Variants in ADAMTS19 observed in about 807,000 individuals in gnomAD.
The protein encoded by ADAMTS19 is ADAM metallopeptidase with thrombospondin type 1 motif 19.
ADAMTS19 carries 93 observed loss-of-function variants against 153.3 expected under a neutral mutation model. The observed-to-expected ratio is 0.61, with a 90% CI of 0.51 to 0.72. The LOEUF (loss-of-function observed/expected upper bound fraction) is 0.72. ADAMTS19 is among the 30% of genes least tolerant of loss of function. ADAMTS19 has a pLI of 0.00. For missense variants in ADAMTS19, 1,482 were observed against 1,552.1 expected (o/e 0.95, Z 0.76); for synonymous variants, 600 against 556.6 (o/e 1.08, Z -1.10).
Position 129,461,763 on chromosome 5 carries a change from C to T in ADAMTS19, c.747+6C>T. 1.3e-6 allele frequency: 2 copies of T among 1,482,654 alleles called. No individual in the cohort carries two copies. Among genetic ancestry groups the T allele is most frequent in the Non-Finnish European group, 1.8e-6 (2 of 1,124,358 alleles). The allele number at this position is 1,482,654 out of a possible 1,614,324, so 91.8% of individuals were successfully genotyped here. A position where few individuals can be genotyped will look rare whatever the true frequency, so the allele number is the denominator to read the frequency against. On this transcript the variant is annotated splice_donor_region_variant and intron_variant, in intron 2 of 22. Transcript: ENST00000274487. The surrounding 1 kb of genome is among the most constrained non-coding windows in gnomAD (Gnocchi z 4.6). ...GCACCTGTGGAGGTGGCCTGGTAAGCGCCTTCTTTCCCTAGCTCTCCATTT... is the reference window on the plus strand; with the variant it reads ...GCACCTGTGGAGGTGGCCTGGTAAGTGCCTTCTTTCCCTAGCTCTCCATTT...
chr5:129,676,326 A>G (rs902194097), intron 16 of ADAMTS19, among the ~76,000 whole-genome samples: 12 of 152,332 alleles, frequency 7.9e-5, no homozygotes, highest in African/African-American at 2.6e-4. Flanking sequence ...CTTTGTCAGT[A>G]TGCAACTAAA....
intron 21 of ADAMTS19, among the ~76,000 whole-genome samples, chr5:129,723,432 T>C (rs2127204402): frequency 6.6e-6 from 1 of 152,300 alleles, no homozygotes; most frequent in Non-Finnish European, 1.5e-5. Context: ...ATATTTCATT[T>C]GTAAAGAAGA....
intron 16 of ADAMTS19, among the ~76,000 whole-genome samples, chr5:129,669,300 G>A (rs924998056): frequency 6.6e-6 from 1 of 151,830 alleles, no homozygotes; most frequent in Non-Finnish European, 1.5e-5. Context: ...GCTAATTATA[G>A]GTCTATTTAT....
chr5:129,532,929 C>A (rs1252728705), intron 6 of ADAMTS19, among the ~76,000 whole-genome samples: 1 of 152,068 alleles, frequency 6.6e-6, no homozygotes, highest in East Asian at 1.9e-4. Context: ...ATGGTAAAAC[C>A]CTGTCTCTAC....
chr5:129,719,688 C>T (rs32820), intron 21 of ADAMTS19, among the ~76,000 whole-genome samples: 143,584 of 152,306 alleles, frequency 0.94, 67,792 homozygotes, highest in East Asian at 1. Flanking sequence ...ATTTTCAAAA[C>T]GATATGATTA....
chr5:129,728,185 G>A (rs1175582822), intron 21 of ADAMTS19, among the ~76,000 whole-genome samples: 1 of 152,132 alleles, frequency 6.6e-6, no homozygotes, highest in Non-Finnish European at 1.5e-5. Flanking sequence ...GTTACCCTAT[G>A]TGGTTTAAAA....
Position 129,523,369 on chromosome 5 carries a change from G to A in ADAMTS19, c.914-2915G>A, listed in dbSNP as rs140240578. Among the ~76,000 whole-genome samples, 745 of 152,214 alleles carry A rather than the reference G, an allele frequency of 4.9e-3. 4 individuals are homozygous for A. The highest frequency in any genetic ancestry group is 6.8e-3 in the Non-Finnish European group (460 of 68,010). ...CTCTTGAAGAGACTTCACTGAATTT[G>A]TATTAAATAGTAAAGAAATATAAAA... On this transcript the variant is annotated intron_variant, in intron 3 of 22. Transcript: ENST00000274487.
intron 15 of ADAMTS19, among the ~76,000 whole-genome samples, chr5:129,660,751 G>T (rs1753783805): frequency 6.6e-6 from 1 of 152,082 alleles, no homozygotes; most frequent in Admixed American, 6.5e-5. Context: ...AAGTGCCTAA[G>T]ATACTACAAA....
At chr5:129,580,781 G>T (rs1030465205) in intron 7 of ADAMTS19, among the ~76,000 whole-genome samples, 6 of 152,186 alleles carry the variant, frequency 3.9e-5, no homozygotes, top group Admixed American at 3.3e-4. Context: ...CAGGGGTGAA[G>T]CTGACTTGAT....
At chr5:129,621,324 T>C (rs1465912769) in intron 9 of ADAMTS19, among the ~76,000 whole-genome samples, 1 of 152,202 alleles carries the variant, frequency 6.6e-6, no homozygotes, top group African/African-American at 2.4e-5. Context: ...AAAGCACTTA[T>C]TTCTATAATT....
At chr5:129,658,773 C>A (rs1285473809) in intron 15 of ADAMTS19, 36 bp downstream of exon 15, 2 of 1,569,524 alleles carry the variant, frequency 1.3e-6, no homozygotes, top group Non-Finnish European at 8.6e-7. Context: ...ATATTAATCC[C>A]TGCAATCTTT....
At chr5:129,729,987 A>G (rs1427176643) in intron 21 of ADAMTS19, among the ~76,000 whole-genome samples, 1 of 152,084 alleles carries the variant, frequency 6.6e-6, no homozygotes, top group Non-Finnish European at 1.5e-5. Context: ...TTTCTCAAAT[A>G]TTGTGATCTT....
chr5:129,596,024 TC>T (rs1750358748), intron 7 of ADAMTS19, among the ~76,000 whole-genome samples: 1 of 151,964 alleles, frequency 6.6e-6, no homozygotes, highest in Non-Finnish European at 1.5e-5. Flanking sequence ...ATAAAATCTT[TC>T]TAGTATTTTA....
At chr5:129,476,725 TTAGA>T (rs1246106944) in intron 2 of ADAMTS19, among the ~76,000 whole-genome samples, 1 of 152,164 alleles carries the variant, frequency 6.6e-6, no homozygotes, top group Non-Finnish European at 1.5e-5. Context: ...ATAAAGACCC[TTAGA>T]TAGTTAATCC....
In ADAMTS19 at chr5:129,597,025, T is replaced by C. The variant is rs187534040; in HGVS notation, c.1478+361T>C. On this transcript the variant is annotated intron_variant, in intron 8 of 22. Coordinates refer to ENST00000274487, the MANE Select transcript of ADAMTS19 (RefSeq NM_133638.6). ...TACAAATGAAAGTAATTCCAGCCTA[T>C]GGTAGTACCTGTATTTGTTATTACC... 3.5e-3 allele frequency among the ~76,000 whole-genome samples: 528 copies of C among 152,286 alleles called. 7 individuals carry two copies. Among genetic ancestry groups the C allele is most frequent in the Non-Finnish European group, 9.7e-4 (66 of 68,008 alleles).
intron 6 of ADAMTS19, among the ~76,000 whole-genome samples, chr5:129,544,324 C>T (rs1196277649): frequency 1.3e-5 from 2 of 152,102 alleles, no homozygotes; most frequent in African/African-American, 4.8e-5. Flanking sequence ...GACAGCTCTG[C>T]AGTCTTTTAA....
intron 21 of ADAMTS19, among the ~76,000 whole-genome samples, chr5:129,707,152 A>G (rs1389852675): frequency 6.6e-6 from 1 of 152,200 alleles, no homozygotes; most frequent in Admixed American, 6.5e-5. Flanking sequence ...CACTTTAAGG[A>G]GGGCTGACTT....
chr5:129,685,506 C>T (rs1302918084), intron 18 of ADAMTS19, among the ~76,000 whole-genome samples: 2 of 152,136 alleles, frequency 1.3e-5, no homozygotes, highest in African/African-American at 4.8e-5. Flanking sequence ...GATTGTTATA[C>T]TTAAATATAT....
At chr5:129,469,354 C>T (rs753719162) in intron 2 of ADAMTS19, among the ~76,000 whole-genome samples, 3 of 152,072 alleles carry the variant, frequency 2.0e-5, no homozygotes, top group Non-Finnish European at 4.4e-5. Context: ...TCTCAAACAT[C>T]TTTTTTGGTT....
Sources: gnomAD v4.1 joint callset for allele counts (sites outside exome capture counted in the v4.1 genomes callset) on GRCh38, gnomAD v4.1.1 for gene constraint, Gnocchi (gnomAD v3.1) non-coding constraint, MANE v1.5 for transcripts, NCBI Gene and HGNC (gene_info 2026-07-23, HGNC 2026-07-21) for gene names.